The following TRMT11 variants were observed in gnomAD, a reference collection of about 807,000 sequenced individuals.
TRMT11 encodes tRNA methyltransferase 11.
In TRMT11, 53 loss-of-function variants were observed where a neutral mutation model predicts 62.8. The observed-to-expected ratio is 0.84, with a 90% CI of 0.68 to 1.06. The LOEUF is 1.06. TRMT11 is among the 50% of genes least tolerant of loss of function. The pLI is 0.00. For missense variants in TRMT11, 556 were observed against 553.4 expected (o/e 1.00, Z -0.05); for synonymous variants, 188 against 190.3 (o/e 0.99, Z 0.10).
chr6:126,236,750 A>T, the TRMT11 span, among the ~76,000 whole-genome samples: 1 of 152,046 alleles, frequency 6.6e-6, no homozygotes, highest in Admixed American at 6.6e-5. Context: ...TGTATCTAAG[A>T]TTTCTGAGTG....
intron 7 of TRMT11, among the ~76,000 whole-genome samples, chr6:126,001,983 T>C (rs1792572350): frequency 6.6e-6 from 1 of 152,174 alleles, no homozygotes; most frequent in African/African-American, 2.4e-5. Flanking sequence ...CAAATTGTGA[T>C]TTGCCCAGTG....
At chr6:126,208,004 CA>C (rs529340592), downstream of TRMT11, among the ~76,000 whole-genome samples, 17 of 152,156 alleles carry the variant, frequency 1.1e-4, no homozygotes, top group Non-Finnish European at 2.1e-4. Context: ...TTAATAGAAA[CA>C]AAGGATTGTT....
At chr6:126,265,677 C>T in the TRMT11 span, among the ~76,000 whole-genome samples, 1 of 152,048 alleles carries the variant, frequency 6.6e-6, no homozygotes. Context: ...AATGCAGCTA[C>T]TTGCTCATTT....
chr6:125,998,185 A>C, intron 4 of TRMT11, 38 bp from the exon 5 acceptor site: 1 of 1,594,842 alleles, frequency 6.3e-7, no homozygotes, highest in East Asian at 2.2e-5. Flanking sequence ...ATTCTGTAGA[A>C]TTAAAATACT....
At chr6:126,216,255 G>A in the TRMT11 span, among the ~76,000 whole-genome samples, 1 of 151,898 alleles carries the variant, frequency 6.6e-6, no homozygotes, top group Non-Finnish European at 1.5e-5. Context: ...TTTTCACTGG[G>A]CATATTACTC....
At chr6:126,061,182 A>C (rs1368273996) in intron 17 of TRMT11, among the ~76,000 whole-genome samples, 2 of 152,340 alleles carry the variant, frequency 1.3e-5, no homozygotes, top group Middle Eastern at 3.4e-3. Context: ...AGAGCTTTTT[A>C]GGAATGCAGG....
chr6:126,177,659 T>G, intron 1 of TRMT11, among the ~76,000 whole-genome samples: 1 of 152,186 alleles, frequency 6.6e-6, no homozygotes, highest in Non-Finnish European at 1.5e-5. Flanking sequence ...CCATTTTTGG[T>G]TTAACCTCTA....
At chr6:126,198,276 GA>G (rs1778690749) in intron 1 of TRMT11, among the ~76,000 whole-genome samples, 1 of 152,090 alleles carries the variant, frequency 6.6e-6, no homozygotes, top group Admixed American at 6.6e-5. Flanking sequence ...AGAAATGGAG[GA>G]AACCATTGTA....
chr6:126,236,003 C>T, the TRMT11 span, among the ~76,000 whole-genome samples: 4 of 152,186 alleles, frequency 2.6e-5, no homozygotes, highest in Non-Finnish European at 5.9e-5. Flanking sequence ...TGTCACCAAG[C>T]CTTATCCAGT....
intron 17 of TRMT11, among the ~76,000 whole-genome samples, chr6:126,070,869 C>T (rs1223610244): frequency 6.6e-6 from 1 of 152,254 alleles, no homozygotes; most frequent in South Asian, 2.1e-4. Flanking sequence ...AAGAGCTTGC[C>T]TAACAGCACA....
intron 7 of TRMT11, among the ~76,000 whole-genome samples, chr6:126,003,402 C>G (rs1480763053): frequency 6.6e-6 from 1 of 151,984 alleles, no homozygotes; most frequent in East Asian, 1.9e-4. Context: ...TAAATTCTTA[C>G]AAGTAGGATT....
chr6:126,250,249 A>T, the TRMT11 span, among the ~76,000 whole-genome samples: 1 of 152,210 alleles, frequency 6.6e-6, no homozygotes, highest in African/African-American at 2.4e-5. Context: ...TAATGAGTGT[A>T]ATTTTCGTAG....
the TRMT11 span, among the ~76,000 whole-genome samples, chr6:126,227,072 CT>C: frequency 6.6e-6 from 1 of 152,320 alleles, no homozygotes; most frequent in South Asian, 2.1e-4. Context: ...TGTTAAACGT[CT>C]TTCTTTTGTA....
chr6:126,032,713 G>A (rs1774434528), intron 12 of TRMT11, among the ~76,000 whole-genome samples: 1 of 152,108 alleles, frequency 6.6e-6, no homozygotes, highest in African/African-American at 2.4e-5. Context: ...ATTGTTTAAT[G>A]TCTGTCTCTC....
intron 17 of TRMT11, among the ~76,000 whole-genome samples, chr6:126,057,246 A>G (rs971782672): frequency 6.6e-6 from 1 of 152,206 alleles, no homozygotes; most frequent in African/African-American, 2.4e-5. Flanking sequence ...CCTCCATGGC[A>G]AGAAGTAATC....
chr6:126,071,452 A>C (rs114902958), intron 17 of TRMT11, among the ~76,000 whole-genome samples: 230 of 152,198 alleles, frequency 1.5e-3, no homozygotes, highest in African/African-American at 5.3e-3. Context: ...AAAAGCTATA[A>C]ATTGTTTTCA....
intron 21 of TRMT11, among the ~76,000 whole-genome samples, chr6:126,149,214 G>T (rs1361527506): frequency 1.3e-5 from 2 of 152,182 alleles, no homozygotes; most frequent in Non-Finnish European, 2.9e-5. Context: ...TGCCCAGAAC[G>T]GCTGGCTAAG....
At chr6:126,106,831 A>C (rs1353785626) in intron 17 of TRMT11, among the ~76,000 whole-genome samples, 2 of 151,664 alleles carry the variant, frequency 1.3e-5, no homozygotes, top group South Asian at 2.1e-4. Context: ...TATTAGGAGT[A>C]TTGGTGTATA....
Position 126,090,727 on chromosome 6 carries a change from A to T in TRMT11, c.*1438-22139A>T, listed in dbSNP as rs201652271. Among the ~76,000 whole-genome samples, 8 of 152,316 alleles carry T rather than the reference A, an allele frequency of 5.3e-5. No individual in the cohort carries two copies. The East Asian group carries it at 1.3e-3, about 26-fold the overall frequency. ...ATACATAAGACTGGTTCATTCTGACATTCATTTGCGGCATTTCCATGACTG... is the reference window on the plus strand; with the variant it reads ...ATACATAAGACTGGTTCATTCTGACTTTCATTTGCGGCATTTCCATGACTG... On this transcript the variant is annotated intron_variant and NMD_transcript_variant, in intron 17 of 22. Transcript: ENST00000648977.
Sources: allele counts gnomAD v4.1 joint callset (sites outside exome capture counted in the v4.1 genomes callset), GRCh38; gene constraint gnomAD v4.1.1; transcripts MANE v1.5; gene names NCBI Gene and HGNC (gene_info 2026-07-23, HGNC 2026-07-21).